The following CD2AP variants were observed in gnomAD, a reference collection of about 807,000 sequenced individuals.
The protein encoded by CD2AP is CD2-associated protein.
A neutral mutation model predicts 85.1 loss-of-function variants in CD2AP; 46 were observed. That is an observed-to-expected ratio of 0.54 (90% CI 0.43 to 0.69). CD2AP has a LOEUF of 0.69. CD2AP is among the 30% of genes least tolerant of loss of function. The pLI is 0.00. For missense variants in CD2AP, 769 were observed against 729.5 expected (o/e 1.05, Z -0.62); for synonymous variants, 255 against 252.9 (o/e 1.01, Z -0.08).
intron 2 of CD2AP, among the ~76,000 whole-genome samples, chr6:47,506,794 G>GAGGGAGAGGGAGAGGGA (rs1766181523): frequency 1.2e-5 from 1 of 80,110 alleles, no homozygotes; most frequent in Non-Finnish European, 3.0e-5. Flanking sequence ...AGAGGGAGAC[G>GAGGGAGAGGGAGAGGGA]GAGGGAGAGG....
At chr6:47,494,250 CA>C (rs1478365460) in intron 1 of CD2AP, among the ~76,000 whole-genome samples, 22 of 152,174 alleles carry the variant, frequency 1.4e-4, no homozygotes, top group African/African-American at 5.1e-4. Flanking sequence ...CTGTAGGTGC[CA>C]GGGGGTTCAC....
At chr6:47,574,001 G>T (rs1009384125) in intron 5 of CD2AP, 63 bp from the exon 6 acceptor site, 2 of 1,378,112 alleles carry the variant, frequency 1.5e-6, no homozygotes, top group Admixed American at 1.7e-5. Flanking sequence ...TAGACATTAT[G>T]ACAGGATGTC....
At chr6:47,518,458 T>C (rs1253365593) in intron 2 of CD2AP, among the ~76,000 whole-genome samples, 1 of 152,230 alleles carries the variant, frequency 6.6e-6, no homozygotes, top group Non-Finnish European at 1.5e-5. Context: ...TTAGTATAAT[T>C]AATAATGATT....
chr6:47,587,381 C>G (rs1768659652), intron 11 of CD2AP, among the ~76,000 whole-genome samples: 1 of 151,966 alleles, frequency 6.6e-6, no homozygotes, highest in African/African-American at 2.4e-5. Context: ...AAGTGATTCC[C>G]CGTTATTTCA....
In CD2AP at chr6:47,580,915, T is replaced by C. The variant is rs764548832; in HGVS notation, c.1045+15T>C. The C allele has an allele frequency of 1.3e-6, 2 of 1,571,932 alleles. No homozygotes were observed. Among genetic ancestry groups the C allele is most frequent in the Admixed American group, 3.3e-5 (2 of 59,912 alleles). On this transcript the variant is annotated intron_variant, in intron 10 of 17. Coordinates refer to ENST00000359314, the MANE Select transcript of CD2AP (RefSeq NM_012120.3). ...TAAGGCTCCAGGTATGTAAGAAGCATATTATTCAGTTTGCTATTTTCCATT... is the reference window on the plus strand; with the variant it reads ...TAAGGCTCCAGGTATGTAAGAAGCACATTATTCAGTTTGCTATTTTCCATT...
At chr6:47,560,278 G>T (rs565188848) in intron 5 of CD2AP, among the ~76,000 whole-genome samples, 4 of 152,122 alleles carry the variant, frequency 2.6e-5, no homozygotes, top group Admixed American at 6.5e-5. Flanking sequence ...AATAAAGTTA[G>T]TCTCTTATGT....
chr6:47,515,176 A>G (rs1766421394), intron 2 of CD2AP, among the ~76,000 whole-genome samples: 1 of 152,220 alleles, frequency 6.6e-6, no homozygotes, highest in Admixed American at 6.5e-5. Context: ...TAGGCAGACT[A>G]CTTTGGCTGA....
intron 5 of CD2AP, among the ~76,000 whole-genome samples, chr6:47,572,796 A>G (rs1051992728): frequency 2.0e-5 from 3 of 152,194 alleles, no homozygotes; most frequent in Non-Finnish European, 4.4e-5. Flanking sequence ...AATGTTAAGA[A>G]GCTCATGTGG....
At chr6:47,530,693 C>G (rs927433690) in intron 2 of CD2AP, among the ~76,000 whole-genome samples, 2 of 152,124 alleles carry the variant, frequency 1.3e-5, no homozygotes, top group African/African-American at 4.8e-5. Context: ...AAGACAGTCT[C>G]TCTTGTTAAC....
chr6:47,527,110 C>CT (rs1554170263), intron 2 of CD2AP, among the ~76,000 whole-genome samples: 1 of 142,248 alleles, frequency 7.0e-6, no homozygotes, highest in Non-Finnish European at 1.6e-5. Flanking sequence ...AAAGACTCCC[C>CT]CCCGATTGAA....
intron 2 of CD2AP, among the ~76,000 whole-genome samples, chr6:47,505,011 CTTTTTTTTTT>C (rs58060161): frequency 1.3e-3 from 119 of 95,124 alleles, no homozygotes; most frequent in African/African-American, 4.1e-3. Context: ...GTGGCAGTTT[CTTTTTTTTTT>C]TTTTTTTTTT....
In CD2AP at chr6:47,626,551, A is replaced by G. The variant is rs1404756996; in HGVS notation, c.*2324A>G. 1 of 152,390 alleles carries G rather than the reference A, an allele frequency of 6.6e-6. No individual in the cohort carries two copies. Among genetic ancestry groups the G allele is most frequent in the Admixed American group, 6.6e-5 (1 of 15,260 alleles). 9.4% of individuals were successfully genotyped at this position (152,390 alleles called of 1,614,324 possible). On this transcript the variant is annotated 3_prime_UTR_variant, in exon 18 of 18. Transcript: ENST00000359314. ...AGTTCAGGTATTCTTTGAGACACAC[A>G]GTATCATTAATTTCTGAATTGTATT...
At chr6:47,575,752 C>T (rs1768290529) in intron 6 of CD2AP, among the ~76,000 whole-genome samples, 1 of 151,892 alleles carries the variant, frequency 6.6e-6, no homozygotes, top group South Asian at 2.1e-4. Flanking sequence ...TTACAGATTA[C>T]AATGGAAAAA....
At chr6:47,604,113 A>G (rs1025817501) in intron 13 of CD2AP, among the ~76,000 whole-genome samples, 1 of 152,076 alleles carries the variant, frequency 6.6e-6, no homozygotes, top group African/African-American at 2.4e-5. Flanking sequence ...GCTTTTTAAA[A>G]ATTTTATGTG....
chr6:47,546,147 T>C (rs1255853318), intron 4 of CD2AP, among the ~76,000 whole-genome samples: 2 of 151,904 alleles, frequency 1.3e-5, no homozygotes, highest in Non-Finnish European at 2.9e-5. Flanking sequence ...ATGAAATAGA[T>C]ACCATAAATA....
intron 16 of CD2AP, among the ~76,000 whole-genome samples, chr6:47,610,971 A>ATATATATATATATATATATATATTTT: frequency 9.7e-5 from 11 of 112,868 alleles, no homozygotes; most frequent in African/African-American, 3.2e-4. Flanking sequence ...ATATATATGT[A>ATATATATATATATATATATATATTTT]TTTTTTTTTT....
chr6:47,574,587 T>C (rs1168796014), intron 6 of CD2AP, among the ~76,000 whole-genome samples: 1 of 148,568 alleles, frequency 6.7e-6, no homozygotes, highest in African/African-American at 2.4e-5. Flanking sequence ...ATATATATAA[T>C]TAATATAATA....
At chr6:47,582,790 G>GTTTTTTTTTTTTTTTTTTTTTTTT in intron 11 of CD2AP, among the ~76,000 whole-genome samples, 1 of 86,794 alleles carries the variant, frequency 1.2e-5, no homozygotes. Context: ...GTTTTTTTTT[G>GTTTTTTTTTTTTTTTTTTTTTTTT]TTTTGTTTTT....
At chr6:47,504,961 ATGAC>A (rs1307524181) in intron 2 of CD2AP, among the ~76,000 whole-genome samples, 1 of 142,640 alleles carries the variant, frequency 7.0e-6, no homozygotes, top group Non-Finnish European at 1.5e-5. Flanking sequence ...CTTGATGTTG[ATGAC>A]TGTTGACTTA....
Sources: allele counts gnomAD v4.1 joint callset (sites outside exome capture counted in the v4.1 genomes callset), GRCh38; gene constraint gnomAD v4.1.1; transcripts MANE v1.5; gene names NCBI Gene and HGNC (gene_info 2026-07-23, HGNC 2026-07-21).